The following TMEM132C variants were observed in gnomAD, a reference collection of about 807,000 sequenced individuals.
The protein encoded by TMEM132C is protein phosphatase 1, regulatory subunit 152.
Under a neutral mutation model 61.4 loss-of-function variants are expected in TMEM132C, and 29 were observed. The observed-to-expected ratio is 0.47, with a 90% CI of 0.35 to 0.64. The LOEUF (loss-of-function observed/expected upper bound fraction) is 0.64, where lower values mean the gene tolerates loss of function less well. Ranked by LOEUF, TMEM132C falls within the 30% of genes least tolerant of loss-of-function variation. The probability of loss-of-function intolerance (pLI) is 0.00; values close to 1 mark genes in which losing one functional copy is unlikely to be tolerated. For synonymous variants in TMEM132C, 656 were observed against 633.1 expected (o/e 1.04, Z -0.54); for missense variants, 1,408 against 1,476.9 (o/e 0.95, Z 0.76).
intron 4 of TMEM132C, among the ~76,000 whole-genome samples, chr12:128,635,573 C>T (rs1191634602): frequency 6.6e-6 from 1 of 151,080 alleles, no homozygotes; most frequent in African/African-American, 2.4e-5. Context: ...CTTCCAAGCA[C>T]ACATATGGGA....
At chr12:128,477,956 A>G (rs955804661) in intron 2 of TMEM132C, among the ~76,000 whole-genome samples, 10 of 152,192 alleles carry the variant, frequency 6.6e-5, no homozygotes, top group Non-Finnish European at 1.3e-4. Flanking sequence ...AAAATTGGGC[A>G]AGAACATATG....
chr12:128,379,086 G>A (rs1267488233), intron 1 of TMEM132C, among the ~76,000 whole-genome samples: 1 of 152,192 alleles, frequency 6.6e-6, no homozygotes, highest in Non-Finnish European at 1.5e-5. Flanking sequence ...TCTTTGGTTT[G>A]TCTTTATTAG....
At chr12:128,604,650 A>G (rs904202737) in intron 3 of TMEM132C, among the ~76,000 whole-genome samples, 2 of 152,146 alleles carry the variant, frequency 1.3e-5, no homozygotes, top group African/African-American at 4.8e-5. Flanking sequence ...AGATGGATAG[A>G]CAGATGAAAC....
At chr12:128,281,181 T>C (rs1870884610) in intron 1 of TMEM132C, among the ~76,000 whole-genome samples, 1 of 152,182 alleles carries the variant, frequency 6.6e-6, no homozygotes, top group African/African-American at 2.4e-5. Flanking sequence ...AAACCAAGGA[T>C]AAGCAAACAT....
intron 3 of TMEM132C, among the ~76,000 whole-genome samples, chr12:128,581,311 C>A (rs1875327686): frequency 6.6e-6 from 1 of 151,472 alleles, no homozygotes; most frequent in Non-Finnish European, 1.5e-5. Flanking sequence ...GTTTAATTTG[C>A]AAATCACAGT....
chr12:128,463,336 G>A (rs543755301), intron 2 of TMEM132C, among the ~76,000 whole-genome samples: 21 of 151,940 alleles, frequency 1.4e-4, no homozygotes, highest in African/African-American at 4.1e-4. Context: ...TTTTCTTTTC[G>A]AGACGGAGTT....
chr12:128,288,001 G>A (rs1182177668), intron 1 of TMEM132C, among the ~76,000 whole-genome samples: 1 of 151,612 alleles, frequency 6.6e-6, no homozygotes, highest in Non-Finnish European at 1.5e-5. Flanking sequence ...TGTGTGTTTG[G>A]TGCAGTCTTA....
intron 4 of TMEM132C, among the ~76,000 whole-genome samples, chr12:128,644,272 A>G (rs1451724908): frequency 1.3e-5 from 2 of 152,238 alleles, no homozygotes; most frequent in African/African-American, 4.8e-5. Context: ...ATTTGTCCAC[A>G]TGGAGATAGG....
chr12:128,554,897 C>G (rs1874283348), intron 3 of TMEM132C, among the ~76,000 whole-genome samples: 1 of 152,192 alleles, frequency 6.6e-6, no homozygotes, highest in Non-Finnish European at 1.5e-5. Context: ...TCTTGTGACC[C>G]AGCTTCTAGT....
chr12:128,364,429 G>A (rs1229160747), intron 1 of TMEM132C, among the ~76,000 whole-genome samples: 4 of 151,688 alleles, frequency 2.6e-5, no homozygotes, highest in African/African-American at 9.7e-5. Context: ...CGGGGGACCC[G>A]TCGCTCACAC....
intron 2 of TMEM132C, among the ~76,000 whole-genome samples, chr12:128,485,625 T>C (rs1384454848): frequency 1.3e-5 from 2 of 151,938 alleles, no homozygotes; most frequent in African/African-American, 4.8e-5. Context: ...GAGGCCAGGA[T>C]ACTGCAAAAC....
At chr12:128,513,243 T>C (rs1388819909) in intron 2 of TMEM132C, among the ~76,000 whole-genome samples, 1 of 152,060 alleles carries the variant, frequency 6.6e-6, no homozygotes, top group Middle Eastern at 3.2e-3. Flanking sequence ...AGAAACATCC[T>C]GAAGTGGGAA....
At chr12:128,470,863 A>G (rs1870927799) in intron 2 of TMEM132C, among the ~76,000 whole-genome samples, 1 of 152,222 alleles carries the variant, frequency 6.6e-6, no homozygotes, top group African/African-American at 2.4e-5. Context: ...CTGTGTGCCA[A>G]TAAAACTTTA....
chr12:128,338,067 G>A (rs1872837285), intron 1 of TMEM132C, among the ~76,000 whole-genome samples: 1 of 151,352 alleles, frequency 6.6e-6, no homozygotes, highest in African/African-American at 2.4e-5. Context: ...TGCACTCCGA[G>A]GTAGCGTTTT....
chr12:128,549,492 C>CTT (rs891194309), intron 3 of TMEM132C, among the ~76,000 whole-genome samples: 5 of 152,130 alleles, frequency 3.3e-5, no homozygotes, highest in African/African-American at 7.2e-5. Context: ...CTGTGGGAAG[C>CTT]TTTAGACATC....
intron 1 of TMEM132C, among the ~76,000 whole-genome samples, chr12:128,329,490 A>G (rs1380628867): frequency 6.6e-6 from 1 of 152,162 alleles, no homozygotes; most frequent in Non-Finnish European, 1.5e-5. Context: ...TTGTGAAAAT[A>G]TAGGTTCTTA....
chr12:128,681,343 G>A (rs1008280955), intron 5 of TMEM132C, among the ~76,000 whole-genome samples: 2 of 152,116 alleles, frequency 1.3e-5, no homozygotes, highest in African/African-American at 4.8e-5. Flanking sequence ...GAGGCTGGTG[G>A]AAAGAGTGGC....
chr12:128,669,381 C>T (rs373672782), intron 4 of TMEM132C, 36 bp from the exon 5 acceptor site: 14 of 1,548,498 alleles, frequency 9.0e-6, no homozygotes, highest in East Asian at 7.3e-5. Flanking sequence ...AATGGAATAT[C>T]TCCCTTGACC....
chr12:128,698,982 C>G (rs192416748), intron 8 of TMEM132C, among the ~76,000 whole-genome samples: 153 of 152,274 alleles, frequency 1.0e-3, no homozygotes, highest in Non-Finnish European at 8.5e-4. Flanking sequence ...GTTAAGGGAG[C>G]AGGCATGATG....
Sources: allele counts gnomAD v4.1 joint callset (sites outside exome capture counted in the v4.1 genomes callset), GRCh38; gene constraint gnomAD v4.1.1; transcripts MANE v1.5; gene names NCBI Gene and HGNC (gene_info 2026-07-23, HGNC 2026-07-21).